Variants in AGMO observed in about 807,000 individuals in gnomAD.
AGMO encodes the protein alkylglycerol monooxygenase, also known as glyceryl-ether monooxygenase.
Under a neutral mutation model 60.2 loss-of-function variants are expected in AGMO, and 75 were observed. The observed-to-expected ratio is 1.25, with a 90% CI of 1.03 to 1.51. The LOEUF (loss-of-function observed/expected upper bound fraction) is 1.51, where lower values mean the gene tolerates loss of function less well. Ranked by LOEUF, AGMO falls within the 40% of genes most tolerant of loss-of-function variation. The pLI is 0.00. For missense variants in AGMO, 763 were observed against 525.5 expected (o/e 1.45, Z -4.42); for synonymous variants, 261 against 177.1 (o/e 1.47, Z -3.76).
At chr7:15,134,406 G>A in the AGMO span, among the ~76,000 whole-genome samples, 76 of 152,058 alleles carry the variant, frequency 5.0e-4, no homozygotes, top group South Asian at 4.8e-3. Flanking sequence ...ACTCCTGAGC[G>A]TATGCAATAC....
At position 15,467,927 on chromosome 7, in the gene AGMO, A is replaced by T. The variant is rs182165344; in HGVS notation, c.410-36819T>A. Among the ~76,000 whole-genome samples, 709 of 152,032 alleles carry T rather than the reference A, an allele frequency of 4.7e-3. 7 individuals are homozygous for T. Among genetic ancestry groups the T allele is most frequent in the African/African-American group, 0.016 (671 of 41,502 alleles). ...TGCTGTTTCACCCCTGGATCCCCGT[A>T]CCCTCCCTGCCACCCTCCCAAACAA... On this transcript the variant is annotated intron_variant, in intron 3 of 12. Coordinates refer to ENST00000342526, the MANE Select transcript of AGMO (RefSeq NM_001004320.2).
chr7:15,421,570 T>A (rs1331668613), intron 4 of AGMO, among the ~76,000 whole-genome samples: 1 of 152,118 alleles, frequency 6.6e-6, no homozygotes, highest in Non-Finnish European at 1.5e-5. Flanking sequence ...TGGCAGCTGT[T>A]AAACATAGGA....
intron 3 of AGMO, among the ~76,000 whole-genome samples, chr7:15,476,091 G>A (rs778718479): frequency 6.6e-6 from 1 of 152,116 alleles, no homozygotes; most frequent in Non-Finnish European, 1.5e-5. Context: ...GTCACTTTAA[G>A]TGGAAGCTTA....
At chr7:15,500,582 C>T (rs1783357388) in intron 3 of AGMO, among the ~76,000 whole-genome samples, 1 of 151,680 alleles carries the variant, frequency 6.6e-6, no homozygotes, top group Non-Finnish European at 1.5e-5. Flanking sequence ...TAACTCTTTA[C>T]CAATTTCCCA....
chr7:15,516,755 C>T (rs1275883072), intron 3 of AGMO, among the ~76,000 whole-genome samples: 2 of 151,190 alleles, frequency 1.3e-5, no homozygotes, highest in Non-Finnish European at 2.9e-5. Context: ...GAAAAAGTTA[C>T]ATCCTTTTTT....
intron 2 of AGMO, among the ~76,000 whole-genome samples, chr7:15,559,773 G>C (rs1195405771): frequency 6.6e-6 from 1 of 151,978 alleles, no homozygotes; most frequent in Non-Finnish European, 1.5e-5. Flanking sequence ...TCAGAGATTT[G>C]TGTGACCTGC....
chr7:15,271,243 G>C (rs894362594), intron 12 of AGMO, among the ~76,000 whole-genome samples: 4 of 152,114 alleles, frequency 2.6e-5, no homozygotes, highest in African/African-American at 9.7e-5. Flanking sequence ...CATTAAATCT[G>C]TAGATGGCTA....
chr7:15,544,932 T>C lies in AGMO; in HGVS notation c.258-9A>G. 3 of 1,497,700 alleles carry C rather than the reference T, an allele frequency of 2.0e-6. No homozygotes were observed. The highest frequency in any genetic ancestry group is 1.8e-6 in the Non-Finnish European group (2 of 1,117,048). The allele number at this position is 1,497,700 out of a possible 1,614,324, so 92.8% of individuals were successfully genotyped here. ...TGCTCCTGAAAAATAGACTGGAAGATAAAATTCACAATCAGTGATTATATA... is the reference window on the plus strand; with the variant it reads ...TGCTCCTGAAAAATAGACTGGAAGACAAAATTCACAATCAGTGATTATATA... On this transcript the variant is annotated splice_polypyrimidine_tract_variant and intron_variant, in intron 2 of 12. Transcript: ENST00000342526.
chr7:15,322,161 A>G (rs941918503), intron 12 of AGMO, among the ~76,000 whole-genome samples: 1 of 151,400 alleles, frequency 6.6e-6, no homozygotes, highest in African/African-American at 2.4e-5. Flanking sequence ...AAATTTCTAA[A>G]TAAAATATTG....
In AGMO at chr7:15,372,548, C is replaced by G. The variant is rs116938190; in HGVS notation, c.1075-6326G>C. 6.1e-3 allele frequency among the ~76,000 whole-genome samples: 929 copies of G among 152,134 alleles called. 10 individuals carry two copies. The highest frequency in any genetic ancestry group is 0.01 in the Middle Eastern group (3 of 294). On this transcript the variant is annotated intron_variant, in intron 10 of 12. Coordinates refer to ENST00000342526, the MANE Select transcript of AGMO (RefSeq NM_001004320.2). Reference sequence around the variant, plus strand: ...CTATGGTAAATATGAGTTTGAGTAACCAAGAACAACAAAATCCCTGCCCTT... The same window carrying G: ...CTATGGTAAATATGAGTTTGAGTAAGCAAGAACAACAAAATCCCTGCCCTT...
At chr7:15,539,107 CTTTAT>C (rs1025334995) in intron 3 of AGMO, among the ~76,000 whole-genome samples, 10 of 151,692 alleles carry the variant, frequency 6.6e-5, no homozygotes, top group East Asian at 3.9e-4. Context: ...TGGGTAAATT[CTTTAT>C]TTTAATTTTT....
chr7:15,165,307 A>G, the AGMO span, among the ~76,000 whole-genome samples: 2 of 152,134 alleles, frequency 1.3e-5, no homozygotes, highest in South Asian at 4.1e-4. Flanking sequence ...TGATGGGTAC[A>G]CTAGAAGCCC....
chr7:15,271,100 T>C (rs1783598054), intron 12 of AGMO, among the ~76,000 whole-genome samples: 1 of 152,074 alleles, frequency 6.6e-6, no homozygotes, highest in African/African-American at 2.4e-5. Context: ...ACTCAGGGAA[T>C]AAGATGCATC....
At chr7:15,389,985 C>A (rs1339279640) in intron 8 of AGMO, among the ~76,000 whole-genome samples, 1 of 152,174 alleles carries the variant, frequency 6.6e-6, no homozygotes, top group African/African-American at 2.4e-5. Context: ...GTCCCCCGTA[C>A]AGAGCTGTCA....
chr7:15,390,991 C>G (rs1358289822), intron 6 of AGMO, 86 bp from the exon 7 acceptor site: 2 of 821,020 alleles, frequency 2.4e-6, no homozygotes, highest in Admixed American at 2.9e-5. Flanking sequence ...AGAATATATT[C>G]ATAAAATTCA....
At chr7:15,493,334 A>C (rs948326149) in intron 3 of AGMO, among the ~76,000 whole-genome samples, 12 of 70,364 alleles carry the variant, frequency 1.7e-4, no homozygotes, top group African/African-American at 5.7e-4. Context: ...AAACACACAA[A>C]ACACACACAC....
chr7:15,271,934 T>A (rs753370907), intron 12 of AGMO, among the ~76,000 whole-genome samples: 2 of 152,140 alleles, frequency 1.3e-5, no homozygotes, highest in Non-Finnish European at 2.9e-5. Context: ...CATATGGTTT[T>A]TGTTTCTAAT....
intron 3 of AGMO, among the ~76,000 whole-genome samples, chr7:15,537,532 T>A (rs1440143803): frequency 6.6e-6 from 1 of 152,164 alleles, no homozygotes; most frequent in African/African-American, 2.4e-5. Context: ...CAGCTTTTAA[T>A]TAAATTTCTC....
intron 12 of AGMO, among the ~76,000 whole-genome samples, chr7:15,250,208 G>A (rs190742372): frequency 1.3e-5 from 2 of 152,146 alleles, no homozygotes; most frequent in East Asian, 1.9e-4. Context: ...TGTGAAATCC[G>A]CTGCAATTAA....
Sources: gnomAD v4.1 joint callset for allele counts (sites outside exome capture counted in the v4.1 genomes callset) on GRCh38, gnomAD v4.1.1 for gene constraint, MANE v1.5 for transcripts, NCBI Gene and HGNC (gene_info 2026-07-23, HGNC 2026-07-21) for gene names.